Variants in KIAA1549L observed in about 807,000 individuals in gnomAD.
KIAA1549L encodes KIAA1549 like, also known as UPF0606 protein KIAA1549L.
Under a neutral mutation model 160.7 loss-of-function variants are expected in KIAA1549L, and 88 were observed. The observed-to-expected ratio is 0.55, with a 90% CI of 0.46 to 0.65. KIAA1549L has a LOEUF of 0.65. Ranked by LOEUF, KIAA1549L falls within the 30% of genes least tolerant of loss-of-function variation. The pLI is 0.00. For missense variants in KIAA1549L, 2,258 were observed against 2,437.5 expected, an observed-to-expected ratio of 0.93 and a Z score of 1.55; for synonymous variants, 950 against 976.7, an observed-to-expected ratio of 0.97 and a Z score of 0.51.
chr11:33,582,275 A>C (rs1427106604), intron 10 of KIAA1549L, among the ~76,000 whole-genome samples: 1 of 152,170 alleles, frequency 6.6e-6, no homozygotes, highest in South Asian at 2.1e-4. Flanking sequence ...ATCTTGGCTA[A>C]TGAGGAACCA....
chr11:33,574,552 G>A (rs1855378318), intron 9 of KIAA1549L, 150 bp from the exon 10 acceptor site: 2 of 590,682 alleles, frequency 3.4e-6, no homozygotes, highest in East Asian at 5.9e-5. Context: ...CAGGCTTCTT[G>A]AGAGGCTGGA....
At chr11:33,478,866 C>T (rs1408088235) in intron 1 of KIAA1549L, among the ~76,000 whole-genome samples, 1 of 152,114 alleles carries the variant, frequency 6.6e-6, no homozygotes, top group East Asian at 1.9e-4. Context: ...CTCTTGACCT[C>T]GTGATCCACC....
In KIAA1549L at chr11:33,435,794, A is replaced by ATGTGTGTG. The variant is rs1447364209; in HGVS notation, c.238+58906_238+58907insGTGTGTGT. On this transcript the variant is annotated intron_variant, in intron 1 of 20. Transcript: ENST00000658780. ...TATATATATATATATATATATATAT[A>ATGTGTGTG]TATATATATATATATATGTGTGTGT... 1.8e-3 allele frequency among the ~76,000 whole-genome samples: 57 copies of ATGTGTGTG among 32,328 alleles called. 3 individuals are homozygous for ATGTGTGTG. The highest frequency in any genetic ancestry group is 4.4e-3 in the African/African-American group (20 of 4,500). The allele number at this position is 32,328 out of a possible 152,430, so 21.2% of individuals were successfully genotyped here. A position where few individuals can be genotyped will look rare whatever the true frequency, so the allele number is the denominator to read the frequency against.
At chr11:33,555,911 G>T (rs1025872289) in intron 6 of KIAA1549L, among the ~76,000 whole-genome samples, 3 of 151,858 alleles carry the variant, frequency 2.0e-5, no homozygotes, top group South Asian at 2.1e-4. Context: ...TCATATATCT[G>T]GTAAGTAGTT....
At chr11:33,393,410 CTG>C (rs1850309117) in intron 1 of KIAA1549L, among the ~76,000 whole-genome samples, 1 of 152,206 alleles carries the variant, frequency 6.6e-6, no homozygotes, top group Non-Finnish European at 1.5e-5. Flanking sequence ...CTTCATCAGA[CTG>C]TGAACTCGTC....
chr11:33,512,579 C>T (rs1019905018), intron 1 of KIAA1549L, among the ~76,000 whole-genome samples: 1 of 152,020 alleles, frequency 6.6e-6, no homozygotes, highest in Non-Finnish European at 1.5e-5. Context: ...CCTGCTACCA[C>T]CCCCAGATAA....
At chr11:33,604,596 A>G (rs758823516) in intron 13 of KIAA1549L, among the ~76,000 whole-genome samples, 20 of 152,234 alleles carry the variant, frequency 1.3e-4, no homozygotes, top group Admixed American at 5.2e-4. Context: ...TAGTATATAT[A>G]CACCATGGAA....
chr11:33,657,446 A>G (rs1466402543), intron 18 of KIAA1549L, among the ~76,000 whole-genome samples: 2 of 152,116 alleles, frequency 1.3e-5, no homozygotes, highest in African/African-American at 4.8e-5. Flanking sequence ...CCAGGAAGGA[A>G]CCTTTGAGAT....
At chr11:33,530,438 TATA>T (rs1235181809) in intron 1 of KIAA1549L, among the ~76,000 whole-genome samples, 2 of 3,582 alleles carry the variant, frequency 5.6e-4, no homozygotes, top group African/African-American at 2.2e-3. Flanking sequence ...AAAAAAAAAA[TATA>T]TATATATATA....
rs151281139 is a variant in KIAA1549L at position 33,594,815 on chromosome 11, G to T, written c.4751+3394G>T. On this transcript the variant is annotated intron_variant, in intron 12 of 20. Transcript: ENST00000658780. ...GAGAGAGCATAAGCAGAGCAGAGCTGAAATGTACAGAGAAGCAATAGATGA... is the reference window on the plus strand; with the variant it reads ...GAGAGAGCATAAGCAGAGCAGAGCTTAAATGTACAGAGAAGCAATAGATGA... Among the ~76,000 whole-genome samples the T allele has an allele frequency of 1.8e-3, 278 of 152,308 alleles. 2 individuals carry two copies. The highest frequency in any genetic ancestry group is 6.4e-3 in the African/African-American group (268 of 41,572).
At position 33,498,484 on chromosome 11, in the gene KIAA1549L, A is replaced by G. The variant is rs186287550; in HGVS notation, c.239-43318A>G. 1.2e-3 allele frequency among the ~76,000 whole-genome samples: 179 copies of G among 152,298 alleles called. No homozygotes were observed. In the South Asian group the frequency reaches 0.025, roughly 21 times the overall value. On this transcript the variant is annotated intron_variant, in intron 1 of 20. Transcript: ENST00000658780. ...TCACCATGTCTGGGATGGCTTAAAC[A>G]GTGAGGACCAACTTGGATAGCTACA...
chr11:33,449,156 AATGTCAATAATGAAC>A (rs1387075404), intron 1 of KIAA1549L, among the ~76,000 whole-genome samples: 1 of 152,140 alleles, frequency 6.6e-6, no homozygotes, highest in Non-Finnish European at 1.5e-5. Flanking sequence ...TTTTCCCTTA[AATGTCAATAATGAAC>A]ATGTATTATT....
intron 1 of KIAA1549L, among the ~76,000 whole-genome samples, chr11:33,437,620 A>C (rs993719845): frequency 6.6e-6 from 1 of 152,230 alleles, no homozygotes; most frequent in Non-Finnish European, 1.5e-5. Context: ...AGTGCATGGA[A>C]TGTATATAGC....
chr11:33,406,047 C>T (rs1200588876), intron 1 of KIAA1549L, among the ~76,000 whole-genome samples: 1 of 152,102 alleles, frequency 6.6e-6, no homozygotes, highest in Non-Finnish European at 1.5e-5. Flanking sequence ...TTGAATGATT[C>T]TGGCAGTTGG....
rs950001884 is a variant in KIAA1549L at position 33,632,616 on chromosome 11, T to C, written c.5410-13070T>C. On this transcript the variant is annotated intron_variant, in intron 16 of 20. Transcript: ENST00000658780. ...ATTTAGAGAGACAGATCTTGCTCTG[T>C]TGCCCAGGCTGGAGTACAGTGACAT... 5.3e-5 allele frequency among the ~76,000 whole-genome samples: 8 copies of C among 152,254 alleles called. No homozygotes were observed. The East Asian group carries it at 1.5e-3, about 29-fold the overall frequency.
rs572364085 is a variant in KIAA1549L at position 33,611,950 on chromosome 11, T to A, written c.5279+1984T>A. Reference sequence around the variant, plus strand: ...AGGCATCACCTCTGCCTAGCACAGGTGCAGGCCAGATTCTTGGGGCCTTTT... The same window carrying A: ...AGGCATCACCTCTGCCTAGCACAGGAGCAGGCCAGATTCTTGGGGCCTTTT... On this transcript the variant is annotated intron_variant, in intron 15 of 20. Coordinates refer to ENST00000658780, the MANE Select transcript of KIAA1549L (RefSeq NM_012194.3). Among the ~76,000 whole-genome samples the A allele has an allele frequency of 1.4e-4, 21 of 152,342 alleles. No homozygotes were observed. In the South Asian group the frequency reaches 4.1e-3, roughly 30 times the overall value.
chr11:33,663,527 G>C (rs532476310), intron 20 of KIAA1549L, among the ~76,000 whole-genome samples: 103 of 152,290 alleles, frequency 6.8e-4, no homozygotes, highest in Non-Finnish European at 9.1e-4. Flanking sequence ...TCCCTTGCCT[G>C]TCCCAGCCAC....
At chr11:33,541,217 T>A (rs1374602271) in intron 1 of KIAA1549L, among the ~76,000 whole-genome samples, 2 of 152,222 alleles carry the variant, frequency 1.3e-5, no homozygotes, top group Non-Finnish European at 2.9e-5. Flanking sequence ...CTGGTTTTTC[T>A]TTCTGAAATA....
At chr11:33,444,318 C>A (rs1056783457) in intron 1 of KIAA1549L, among the ~76,000 whole-genome samples, 2 of 152,136 alleles carry the variant, frequency 1.3e-5, no homozygotes, top group Admixed American at 6.5e-5. Flanking sequence ...TAATAAAATC[C>A]TATGCAGCTA....
Sources: gnomAD v4.1 joint callset for allele counts (sites outside exome capture counted in the v4.1 genomes callset) on GRCh38, gnomAD v4.1.1 for gene constraint, MANE v1.5 for transcripts, NCBI Gene and HGNC (gene_info 2026-07-23, HGNC 2026-07-21) for gene names.